The following PRPF3 variants were observed in gnomAD, a reference collection of about 807,000 sequenced individuals.
The protein encoded by PRPF3 is U4/U6 small nuclear ribonucleoprotein Prp3.
A neutral mutation model predicts 89.2 loss-of-function variants in PRPF3; 3 were observed. The observed-to-expected ratio is 0.03, with a 90% CI of 0.02 to 0.09. PRPF3 has a LOEUF of 0.09. Ranked by LOEUF, PRPF3 falls within the 10% of genes least tolerant of loss-of-function variation. PRPF3 has a pLI of 1.00. For missense variants in PRPF3, 463 were observed against 828.8 expected (o/e 0.56, Z 5.42); for synonymous variants, 270 against 289.1 (o/e 0.93, Z 0.67).
intron 14 of PRPF3, among the ~76,000 whole-genome samples, chr1:150,347,262 A>G (rs1385256297): frequency 1.3e-5 from 2 of 151,740 alleles, no homozygotes; most frequent in Non-Finnish European, 2.9e-5. Flanking sequence ...ATATATACAC[A>G]CATACACATA....
chr1:150,349,962 C>T (rs1205934109), intron 15 of PRPF3, among the ~76,000 whole-genome samples: 2 of 152,018 alleles, frequency 1.3e-5, no homozygotes, highest in Non-Finnish European at 2.9e-5. Context: ...ATGGCGTGAT[C>T]TCGGCTCACC....
chr1:150,323,901 C>CA (rs1655398440), intron 1 of PRPF3, among the ~76,000 whole-genome samples: 1 of 151,072 alleles, frequency 6.6e-6, no homozygotes, highest in Non-Finnish European at 1.5e-5. Flanking sequence ...CTCAGCCTCC[C>CA]GAGTAGCTGG....
intron 7 of PRPF3, among the ~76,000 whole-genome samples, chr1:150,337,894 G>T (rs1657226746): frequency 6.6e-6 from 1 of 152,076 alleles, no homozygotes; most frequent in East Asian, 1.9e-4. Context: ...GAGCAACGTG[G>T]AGAAACCCCA....
rs897809627 is a variant in PRPF3 at position 150,348,717 on chromosome 1, C to T, written c.1844-440C>T. On this transcript the variant is annotated intron_variant, in intron 14 of 15. Coordinates refer to ENST00000324862, the MANE Select transcript of PRPF3 (RefSeq NM_004698.4). Reference sequence around the variant, plus strand: ...ACCTCAGGTGATCCACTCACCTCAGCCTCCCAAAGCGCTAGGATTACAGGC... The same window carrying T: ...ACCTCAGGTGATCCACTCACCTCAGTCTCCCAAAGCGCTAGGATTACAGGC... 4 of 201,268 alleles carry T rather than the reference C, an allele frequency of 2.0e-5. No homozygotes were observed. The Admixed American group carries it at 2.1e-4, about 11-fold the overall frequency. The allele number at this position is 201,268 out of a possible 1,614,324, so 12.5% of individuals were successfully genotyped here.
chr1:150,336,136 T>G (rs971465496), intron 7 of PRPF3, among the ~76,000 whole-genome samples: 5 of 152,170 alleles, frequency 3.3e-5, no homozygotes, highest in African/African-American at 7.2e-5. Context: ...ATAAAATCAC[T>G]GGGAGCCTTG....
chr1:150,324,168 G>A (rs1368095152), intron 1 of PRPF3, among the ~76,000 whole-genome samples: 2 of 152,122 alleles, frequency 1.3e-5, no homozygotes, highest in Admixed American at 6.6e-5. Flanking sequence ...CTTAAAAGAA[G>A]GGAATCCTAC....
chr1:150,344,881 T>C (rs1431494122), intron 12 of PRPF3, among the ~76,000 whole-genome samples: 3 of 151,892 alleles, frequency 2.0e-5, no homozygotes, highest in African/African-American at 7.3e-5. Context: ...ATTTCTTTTT[T>C]TTTTCATCTT....
chr1:150,350,333 C>G (rs1170346407), intron 15 of PRPF3, among the ~76,000 whole-genome samples: 2 of 151,928 alleles, frequency 1.3e-5, no homozygotes, highest in African/African-American at 4.8e-5. Flanking sequence ...TCCCGAGTAG[C>G]TGGAATTACA....
chr1:150,345,981 T>C (rs1230103369), intron 12 of PRPF3, 37 bp from the exon 13 acceptor site: 5 of 1,529,162 alleles, frequency 3.3e-6, no homozygotes, highest in Non-Finnish European at 3.6e-6. Context: ...CTGCTGATGC[T>C]AAAATGGAAG....
At chr1:150,333,420 A>G (rs1184804587) in intron 6 of PRPF3, among the ~76,000 whole-genome samples, 3 of 152,128 alleles carry the variant, frequency 2.0e-5, no homozygotes, top group Admixed American at 2.0e-4. Context: ...TACAAAAATT[A>G]GCCAGGCGTG....
At chr1:150,349,560 A>G (rs1011311043) in intron 15 of PRPF3, among the ~76,000 whole-genome samples, 1 of 152,176 alleles carries the variant, frequency 6.6e-6, no homozygotes, top group Non-Finnish European at 1.5e-5. Context: ...CTTTGGATAT[A>G]GTGAAGGAAG....
chr1:150,343,549 G>A (rs1657998755), intron 10 of PRPF3, 97 bp downstream of exon 10: 3 of 1,491,506 alleles, frequency 2.0e-6, no homozygotes, highest in Non-Finnish European at 2.8e-6. Flanking sequence ...AGTGATTTCT[G>A]TTTCTAAGAA....
intron 3 of PRPF3, chr1:150,327,600 C>A: frequency 1.0e-6 from 1 of 985,840 alleles, no homozygotes; most frequent in Non-Finnish European, 1.2e-6. Context: ...TATGTCCTTG[C>A]AAAACACGAG....
intron 1 of PRPF3, among the ~76,000 whole-genome samples, chr1:150,321,971 G>C (rs1553862126): frequency 2.6e-5 from 4 of 152,104 alleles, no homozygotes; most frequent in African/African-American, 9.7e-5. Context: ...TTTGGATTCT[G>C]CTGCCTGCTC....
intron 9 of PRPF3, among the ~76,000 whole-genome samples, chr1:150,341,139 GAAAGA>G (rs1657666122): frequency 7.4e-6 from 1 of 135,800 alleles, no homozygotes; most frequent in Non-Finnish European, 1.6e-5. Context: ...AAGAAAGAAA[GAAAGA>G]AAAAAACCCA....
intron 7 of PRPF3, among the ~76,000 whole-genome samples, chr1:150,336,725 C>T (rs1553867946): frequency 6.6e-6 from 1 of 151,826 alleles, no homozygotes; most frequent in Non-Finnish European, 1.5e-5. Flanking sequence ...CACTGCACTC[C>T]AGCATGGGCA....
At chr1:150,340,242 T>A (rs1374400906) in intron 8 of PRPF3, among the ~76,000 whole-genome samples, 156 bp from the exon 9 acceptor site, 1 of 152,126 alleles carries the variant, frequency 6.6e-6, no homozygotes, top group Non-Finnish European at 1.5e-5. Flanking sequence ...TATGTGTAAT[T>A]TAACTATATA....
At chr1:150,331,482 A>C (rs1656380550) in intron 4 of PRPF3, among the ~76,000 whole-genome samples, 1 of 152,024 alleles carries the variant, frequency 6.6e-6, no homozygotes, top group Non-Finnish European at 1.5e-5. Flanking sequence ...CTCCTGCCTC[A>C]GCCTCCTGAG....
In PRPF3 at chr1:150,333,136, G is replaced by T. The variant is rs1553866173; in HGVS notation, c.665G>T (p.Gly222Val). 1.9e-6 allele frequency: 3 copies of T among 1,614,096 alleles called. No individual in the cohort carries two copies. The change falls in exon 6 of 16, where the codon GGA becomes GTA. Residue 222 changes from glycine to valine, a missense_variant. This residue lies in a region of PRPF3 where 261 missense variants were observed against 475.8 expected (regional missense o/e 0.55). Transcript: ENST00000324862. Reference sequence around the variant, plus strand: ...CAAGCCCAGCTGGCACTGAAGCCAGGACTCATCGGCAATGCCAACATGGTG... The same window carrying T: ...CAAGCCCAGCTGGCACTGAAGCCAGTACTCATCGGCAATGCCAACATGGTG... The part of the protein sequence containing the change: ...RIQAQLALKP[G>V]LIGNANMVGL...
Sources: allele counts gnomAD v4.1 joint callset (sites outside exome capture counted in the v4.1 genomes callset), GRCh38; gene constraint gnomAD v4.1.1; regional missense constraint gnomAD v4.1.1; transcripts MANE v1.5; gene names NCBI Gene and HGNC (gene_info 2026-07-23, HGNC 2026-07-21).